MYO5B: variants seen among roughly 807,000 people sequenced by gnomAD.
The protein encoded by MYO5B is unconventional myosin-Vb.
Under a neutral mutation model 229.3 loss-of-function variants are expected in MYO5B, and 143 were observed. That is an observed-to-expected ratio of 0.62 (90% CI 0.54 to 0.72). The LOEUF (loss-of-function observed/expected upper bound fraction) is 0.72. Ranked by LOEUF, MYO5B falls within the 30% of genes least tolerant of loss-of-function variation. MYO5B has a pLI of 0.00. For missense variants in MYO5B, 2,321 were observed against 2,331.0 expected, an observed-to-expected ratio of 1.00 and a Z score of 0.09; for synonymous variants, 918 against 885.2, an observed-to-expected ratio of 1.04 and a Z score of -0.66.
In MYO5B at chr18:50,177,160, T is replaced by TA. The variant is rs397972316; in HGVS notation, c.27+17606dup. ...GGAAACACAGGCCATCTTATTTTTT[T>TA]AAAAAAGTTGGTGCCAAGTGAATTT... On this transcript the variant is annotated intron_variant, in intron 1 of 39. Coordinates refer to ENST00000285039, the MANE Select transcript of MYO5B (RefSeq NM_001080467.3). Among the ~76,000 whole-genome samples, 21 of 152,212 alleles carry TA rather than the reference T, an allele frequency of 1.4e-4. No homozygotes were observed. The South Asian group carries it at 2.7e-3, about 20-fold the overall frequency.
intron 1 of MYO5B, among the ~76,000 whole-genome samples, chr18:50,157,790 T>C (rs367756800): frequency 6.6e-6 from 1 of 152,386 alleles, no homozygotes; most frequent in East Asian, 1.9e-4. Flanking sequence ...TCTCTCCTGT[T>C]AGATCATAAG....
At chr18:49,942,212 T>C (rs964359161) in intron 14 of MYO5B, among the ~76,000 whole-genome samples, 17 of 151,198 alleles carry the variant, frequency 1.1e-4, no homozygotes, top group Non-Finnish European at 2.4e-4. Context: ...ACTTAAATGT[T>C]AGACCTAAAA....
intron 17 of MYO5B, among the ~76,000 whole-genome samples, chr18:49,920,497 C>G (rs1427444591): frequency 1.3e-5 from 2 of 152,122 alleles, no homozygotes; most frequent in East Asian, 3.9e-4. Flanking sequence ...CAACTATGTC[C>G]TGGGCCTCCT....
chr18:50,136,089 G>A (rs555473514), intron 1 of MYO5B, among the ~76,000 whole-genome samples: 4 of 152,312 alleles, frequency 2.6e-5, no homozygotes, highest in Admixed American at 6.5e-5. Flanking sequence ...GGTATCACAC[G>A]TCTGTCACGC....
At chr18:50,115,523 AACACACACACACACACACAGAGAGACAC>A (rs1187821977) in intron 1 of MYO5B, among the ~76,000 whole-genome samples, 5 of 144,694 alleles carry the variant, frequency 3.5e-5, no homozygotes, top group Non-Finnish European at 6.1e-5. Context: ...AAATAAATAA[AACACACACACACACACACAGAGAGACAC>A]ACACACACAC....
At chr18:49,854,093 T>C (rs1312529702) in intron 30 of MYO5B, among the ~76,000 whole-genome samples, 2 of 152,236 alleles carry the variant, frequency 1.3e-5, no homozygotes, top group Non-Finnish European at 2.9e-5. Flanking sequence ...ATTATTCACA[T>C]ATTTTCCCTG....
chr18:49,906,594 A>AGATCTTG lies in MYO5B; in HGVS notation c.2232_2238dup (p.Phe747GlnfsTer18). Reference sequence around the variant, plus strand: ...TAGGCCACCTGGCCTGCTCGAAAGAAGATCTTGGTGCGGCCAAACTGGAAC... The same window carrying AGATCTTG: ...TAGGCCACCTGGCCTGCTCGAAAGAAGATCTTGGATCTTGGTGCGGCCAAACTGGAAC... On this transcript the variant is annotated frameshift_variant, in exon 19 of 40. Coordinates refer to ENST00000285039, the MANE Select transcript of MYO5B (RefSeq NM_001080467.3). LOFTEE classifies it high-confidence loss of function. 6.2e-7 allele frequency: 1 copy of AGATCTTG among 1,614,152 alleles called. No homozygotes were observed. Among genetic ancestry groups the AGATCTTG allele is most frequent in the Non-Finnish European group, 8.5e-7 (1 of 1,180,040 alleles).
intron 1 of MYO5B, among the ~76,000 whole-genome samples, chr18:50,114,024 T>C (rs949630244): frequency 3.9e-5 from 6 of 152,216 alleles, no homozygotes; most frequent in African/African-American, 1.4e-4. Flanking sequence ...ATTAAAAATC[T>C]ATCTGCCACC....
At chr18:49,920,068 C>T (rs2025058018) in intron 17 of MYO5B, among the ~76,000 whole-genome samples, 2 of 152,272 alleles carry the variant, frequency 1.3e-5, no homozygotes, top group Admixed American at 1.3e-4. Flanking sequence ...CAAAAGGACA[C>T]ATATTATGTG....
intron 17 of MYO5B, among the ~76,000 whole-genome samples, 153 bp downstream of exon 17, chr18:49,929,359 C>T (rs2025163670): frequency 6.6e-6 from 1 of 152,172 alleles, no homozygotes; most frequent in South Asian, 2.1e-4. Flanking sequence ...GTGAGAGTCT[C>T]ATTTCCATCA....
At chr18:50,175,521 A>C (rs2032983049) in intron 1 of MYO5B, among the ~76,000 whole-genome samples, 1 of 152,236 alleles carries the variant, frequency 6.6e-6, no homozygotes, top group Non-Finnish European at 1.5e-5. Context: ...AAAAACAAAA[A>C]CCATCAAATT....
chr18:50,124,708 G>A (rs966287566), intron 1 of MYO5B, among the ~76,000 whole-genome samples: 7 of 151,732 alleles, frequency 4.6e-5, no homozygotes, highest in African/African-American at 1.7e-4. Context: ...CCCCCCTGGT[G>A]CCCTTCCTAT....
chr18:50,042,728 CGGT>C (rs1000039556), intron 2 of MYO5B, among the ~76,000 whole-genome samples: 2 of 152,182 alleles, frequency 1.3e-5, no homozygotes, highest in African/African-American at 4.8e-5. Flanking sequence ...AACCACACCT[CGGT>C]GGAGATGTCC....
At chr18:49,975,205 C>A (rs1251219951) in intron 9 of MYO5B, among the ~76,000 whole-genome samples, 1 of 152,236 alleles carries the variant, frequency 6.6e-6, no homozygotes, top group Non-Finnish European at 1.5e-5. Context: ...CAGCTGTATG[C>A]TCAGAAACAA....
chr18:50,129,447 A>T lies in MYO5B; in HGVS notation c.27+65320T>A, dbSNP rs549379412. On this transcript the variant is annotated intron_variant, in intron 1 of 39. Coordinates refer to ENST00000285039, the MANE Select transcript of MYO5B (RefSeq NM_001080467.3). ...GAACTCCGATAAGGCAGAAAACTCAAATCACTGGAGCTCTTGTCCAGCATT... is the reference window on the plus strand; with the variant it reads ...GAACTCCGATAAGGCAGAAAACTCATATCACTGGAGCTCTTGTCCAGCATT... Among the ~76,000 whole-genome samples the T allele has an allele frequency of 3.9e-4, 59 of 152,316 alleles. No homozygotes were observed. The South Asian group carries it at 0.012, about 31-fold the overall frequency.
At position 50,036,859 on chromosome 18, in the gene MYO5B, T is replaced by C. The variant is rs868303097; in HGVS notation, c.446A>G (p.Gln149Arg). 2 of 1,614,140 alleles carry C rather than the reference T, an allele frequency of 1.2e-6. No individual in the cohort carries two copies. Among genetic ancestry groups the C allele is most frequent in the Non-Finnish European group, 1.7e-6 (2 of 1,180,024 alleles). The part of the protein sequence containing the change: ...IFAVAEEAYK[Q>R]MARDEKNQSI... ...CTGAGGACATTCTCACCTGGCCATCTGCTTGTAGGCTTCTTCTGCCACAGC... is the reference window on the plus strand; with the variant it reads ...CTGAGGACATTCTCACCTGGCCATCCGCTTGTAGGCTTCTTCTGCCACAGC... The change falls in exon 4 of 40, where the codon CAG becomes CGG. Residue 149 changes from glutamine to arginine, a missense_variant. Transcript: ENST00000285039.
At chr18:50,009,316 T>C (rs994509001) in intron 4 of MYO5B, among the ~76,000 whole-genome samples, 2 of 152,130 alleles carry the variant, frequency 1.3e-5, no homozygotes, top group African/African-American at 4.8e-5. Flanking sequence ...AGGCGGAGGT[T>C]GCAGTGAGCC....
At chr18:50,134,024 A>C (rs2032295976) in intron 1 of MYO5B, among the ~76,000 whole-genome samples, 2 of 152,224 alleles carry the variant, frequency 1.3e-5, no homozygotes, top group African/African-American at 4.8e-5. Context: ...GACAGATACA[A>C]GATATATAGA....
intron 1 of MYO5B, among the ~76,000 whole-genome samples, chr18:50,192,186 G>C (rs890884918): frequency 2.0e-5 from 3 of 152,194 alleles, no homozygotes; most frequent in African/African-American, 7.2e-5. Flanking sequence ...ACATGATTCT[G>C]ACCGAAAACA....
Sources: allele counts gnomAD v4.1 joint callset (sites outside exome capture counted in the v4.1 genomes callset), GRCh38; gene constraint gnomAD v4.1.1; transcripts MANE v1.5; gene names NCBI Gene and HGNC (gene_info 2026-07-23, HGNC 2026-07-21).